MAGI1: variants seen among roughly 807,000 people sequenced by gnomAD.
MAGI1 encodes the protein membrane associated guanylate kinase, WW and PDZ domain containing 1.
MAGI1 carries 58 observed loss-of-function variants against 139.9 expected under a neutral mutation model. The observed-to-expected ratio is 0.41, with a 90% confidence interval of 0.34 to 0.52. The LOEUF is 0.52. MAGI1 is among the 20% of genes least tolerant of loss of function. The pLI is 0.12. For missense variants in MAGI1, 1,874 were observed against 1,901.6 expected (o/e 0.99, Z 0.27); for synonymous variants, 812 against 737.9 (o/e 1.10, Z -1.63).
chr3:66,002,722 G>T (rs1245360709), intron 1 of MAGI1, among the ~76,000 whole-genome samples: 1 of 152,026 alleles, frequency 6.6e-6, no homozygotes, highest in African/African-American at 2.4e-5. Flanking sequence ...CTCCATGTTG[G>T]TCAGGCTGGT....
intron 1 of MAGI1, among the ~76,000 whole-genome samples, chr3:65,676,484 A>C (rs1336314998): frequency 6.6e-6 from 1 of 152,196 alleles, no homozygotes; most frequent in African/African-American, 2.4e-5. Context: ...TTCTTTTGTT[A>C]ATTTAAAAAA....
intron 1 of MAGI1, among the ~76,000 whole-genome samples, chr3:66,014,370 G>A (rs1271480562): frequency 6.6e-6 from 1 of 152,046 alleles, no homozygotes; most frequent in Non-Finnish European, 1.5e-5. Flanking sequence ...TATAACAATG[G>A]GATCATCCTA....
chr3:65,439,239 T>A (rs1417902556), intron 9 of MAGI1, among the ~76,000 whole-genome samples: 1 of 152,156 alleles, frequency 6.6e-6, no homozygotes, highest in Non-Finnish European at 1.5e-5. Context: ...AAATAAAAAG[T>A]GAGAAAACAG....
chr3:65,426,564 T>C (rs1032555133), intron 12 of MAGI1, among the ~76,000 whole-genome samples: 1 of 152,148 alleles, frequency 6.6e-6, no homozygotes, highest in Non-Finnish European at 1.5e-5. Context: ...CAAAATAAAC[T>C]AGATTCATTA....
chr3:65,948,655 C>A, intron 1 of MAGI1, among the ~76,000 whole-genome samples: 1 of 152,182 alleles, frequency 6.6e-6, no homozygotes, highest in East Asian at 1.9e-4. Flanking sequence ...GAGAAGGACA[C>A]AATTCAAACT....
intron 1 of MAGI1, among the ~76,000 whole-genome samples, chr3:65,743,472 C>T (rs2035440814): frequency 6.6e-6 from 1 of 151,298 alleles, no homozygotes; most frequent in African/African-American, 2.4e-5. Context: ...CTCTGGGAGG[C>T]CAAGGTGGGC....
chr3:65,733,121 C>A (rs1054666132), intron 1 of MAGI1, among the ~76,000 whole-genome samples: 1 of 151,670 alleles, frequency 6.6e-6, no homozygotes, highest in East Asian at 1.9e-4. Context: ...TGCAATGGCG[C>A]GATCTTGGCT....
intron 2 of MAGI1, among the ~76,000 whole-genome samples, chr3:65,567,474 G>A (rs940667031): frequency 3.3e-5 from 5 of 152,106 alleles, no homozygotes; most frequent in East Asian, 3.9e-4. Flanking sequence ...GTCCTACTAC[G>A]GAAAGCATTG....
chr3:65,821,479 T>C lies in MAGI1; in HGVS notation c.314-199391A>G, dbSNP rs189949255. Reference sequence around the variant, plus strand: ...TCTCCTGGATGAGAAACTGAATACATTAAAATACAGCCATAACACCTGGAT... The same window carrying C: ...TCTCCTGGATGAGAAACTGAATACACTAAAATACAGCCATAACACCTGGAT... On this transcript the variant is annotated intron_variant, in intron 1 of 22. Transcript: ENST00000402939. Among the ~76,000 whole-genome samples, 327 of 152,288 alleles carry C rather than the reference T, an allele frequency of 2.1e-3. 1 individual carries two copies. Among genetic ancestry groups the C allele is most frequent in the Non-Finnish European group, 3.4e-3 (234 of 68,026 alleles).
intron 1 of MAGI1, among the ~76,000 whole-genome samples, chr3:65,826,871 A>C (rs753731857): frequency 1.6e-4 from 24 of 152,230 alleles, no homozygotes; most frequent in Non-Finnish European, 2.9e-4. Context: ...TGAGAGGAAT[A>C]AGGAAGCCTT....
intron 17 of MAGI1, among the ~76,000 whole-genome samples, chr3:65,377,712 AC>A (rs1297695866): frequency 6.6e-5 from 10 of 152,170 alleles, no homozygotes; most frequent in Admixed American, 4.6e-4. Context: ...AAACCAAAAA[AC>A]CTTGCTTTGA....
chr3:65,815,533 A>C (rs1559909701), intron 1 of MAGI1, among the ~76,000 whole-genome samples: 1 of 152,132 alleles, frequency 6.6e-6, no homozygotes, highest in Non-Finnish European at 1.5e-5. Context: ...ATTAAAGAAA[A>C]TATTTAAAAG....
Position 65,932,905 on chromosome 3 carries a change from A to G in MAGI1, c.313+105091T>C, listed in dbSNP as rs561444101. Among the ~76,000 whole-genome samples, 4 of 151,582 alleles carry G rather than the reference A, an allele frequency of 2.6e-5. No homozygotes were observed. In the East Asian group the frequency reaches 7.7e-4, roughly 29 times the overall value. Reference sequence around the variant, plus strand: ...ATTCATAATTATGTTTAAATAAAGTATGATGCTACATTACTCTATACCAGA... The same window carrying G: ...ATTCATAATTATGTTTAAATAAAGTGTGATGCTACATTACTCTATACCAGA... On this transcript the variant is annotated intron_variant, in intron 1 of 22. Coordinates refer to ENST00000402939, the MANE Select transcript of MAGI1 (RefSeq NM_001033057.2).
At chr3:65,691,583 GGAA>G (rs2088657761) in intron 1 of MAGI1, among the ~76,000 whole-genome samples, 1 of 151,978 alleles carries the variant, frequency 6.6e-6, no homozygotes, top group Non-Finnish European at 1.5e-5. Context: ...ATTATGTTCA[GGAA>G]AACACTGAAC....
intron 1 of MAGI1, among the ~76,000 whole-genome samples, chr3:65,857,382 C>T (rs1204799640): frequency 6.6e-6 from 1 of 152,174 alleles, no homozygotes; most frequent in Non-Finnish European, 1.5e-5. Context: ...AACTTTTGTT[C>T]ATTATCACCC....
intron 1 of MAGI1, chr3:65,844,387 CA>C: frequency 3.0e-6 from 1 of 337,068 alleles, no homozygotes; most frequent in South Asian, 2.6e-5. Flanking sequence ...GAAAGTTACT[CA>C]GAAGAAAAGG....
At chr3:65,400,159 T>C (rs902105445) in intron 13 of MAGI1, among the ~76,000 whole-genome samples, 1 of 152,214 alleles carries the variant, frequency 6.6e-6, no homozygotes. Flanking sequence ...CTTTGGCATC[T>C]TTGTGGTTCC....
intron 1 of MAGI1, among the ~76,000 whole-genome samples, chr3:66,012,642 T>G (rs958170939): frequency 7.9e-5 from 12 of 151,866 alleles, no homozygotes; most frequent in Non-Finnish European, 1.6e-4. Flanking sequence ...GGTACACATC[T>G]GTAATCCCAG....
chr3:65,398,356 C>T (rs1462103727), intron 13 of MAGI1, among the ~76,000 whole-genome samples: 5 of 152,062 alleles, frequency 3.3e-5, no homozygotes, highest in Admixed American at 6.6e-5. Flanking sequence ...TAAAAATTAG[C>T]CAGGCATGGT....
Sources: gnomAD v4.1 joint callset for allele counts (sites outside exome capture counted in the v4.1 genomes callset) on GRCh38, gnomAD v4.1.1 for gene constraint, MANE v1.5 for transcripts, NCBI Gene and HGNC (gene_info 2026-07-23, HGNC 2026-07-21) for gene names.